Variants in MARF1 observed in about 807,000 individuals in gnomAD.
MARF1 encodes meiosis regulator and mRNA stability factor 1, also known as limkain-b1.
A neutral mutation model predicts 168.2 loss-of-function variants in MARF1; 24 were observed. The ratio of observed to expected loss-of-function variants is 0.14; its 90% CI spans 0.10 to 0.20. The LOEUF (loss-of-function observed/expected upper bound fraction) is 0.20, where lower values mean the gene tolerates loss of function less well. Ranked by LOEUF, MARF1 falls within the 10% of genes least tolerant of loss-of-function variation. The pLI is 1.00. For synonymous variants in MARF1, 868 were observed against 822.4 expected (o/e 1.06, Z -0.95); for missense variants, 1,744 against 2,143.6 (o/e 0.81, Z 3.68).
At chr16:15,614,438 C>T (rs1401040355) in intron 16 of MARF1, among the ~76,000 whole-genome samples, 4 of 126,102 alleles carry the variant, frequency 3.2e-5, no homozygotes, top group East Asian at 2.4e-4. Context: ...AGCTGAGATC[C>T]GGCCACTGCA....
At chr16:15,611,848 T>C in intron 17 of MARF1, 114 bp from the exon 18 acceptor site, 5 of 804,602 alleles carry the variant, frequency 6.2e-6, no homozygotes, top group Non-Finnish European at 9.7e-6. Context: ...TTATGTAGAA[T>C]GTGTGCAATT....
rs1206162752 is a variant in MARF1, at chr16:15,595,071, T to G, written c.*1622A>C. 6.6e-6 allele frequency: 1 copy of G among 152,622 alleles called. No homozygotes were observed. The highest frequency in any genetic ancestry group is 2.4e-5 in the African/African-American group (1 of 41,442). 9.5% of individuals were successfully genotyped at this position (152,622 alleles called of 1,614,324 possible). A position where few individuals can be genotyped will look rare whatever the true frequency, so the allele number is the denominator to read the frequency against. ...ATTATTACTTTGTTTAAAAGCTCCT[T>G]TAAAAAAAATTGCACATTTGCATTT... On this transcript the variant is annotated 3_prime_UTR_variant, in exon 27 of 27. Coordinates refer to ENST00000396368, the MANE Select transcript of MARF1 (RefSeq NM_014647.4).
rs2033991945 is a variant in MARF1, at chr16:15,615,715, C to G, written c.3253+115G>C. ...ATTTTCAAAAGATCAAAGGACACAT[C>G]CATGGTGTTTTCACACTTGGCAAAT... On this transcript the variant is annotated intron_variant, in intron 16 of 26. Coordinates refer to ENST00000396368, the MANE Select transcript of MARF1 (RefSeq NM_014647.4). 3 of 668,302 alleles carry G rather than the reference C, an allele frequency of 4.5e-6. No individual in the cohort carries two copies. In the East Asian group the frequency reaches 9.2e-5, roughly 20 times the overall value. 41.4% of individuals were successfully genotyped at this position (668,302 alleles called of 1,614,324 possible). A position where few individuals can be genotyped will look rare whatever the true frequency, so the allele number is the denominator to read the frequency against.
At position 15,639,240 on chromosome 16, in the gene MARF1, A is replaced by G. The variant is rs1294551265; in HGVS notation, c.-7T>C. The G allele has an allele frequency of 1.9e-6, 3 of 1,608,394 alleles. No homozygotes were observed. The highest frequency in any genetic ancestry group is 2.5e-6 in the Non-Finnish European group (3 of 1,177,938). ...TTCCGTTTCCTTCCATCATACAGCC[A>G]TGCAAAGTGATTCAACATCCTTTCA... On this transcript the variant is annotated 5_prime_UTR_variant, in exon 2 of 27. The change abolishes an upstream ATG in the 5' untranslated region. Coordinates refer to ENST00000396368, the MANE Select transcript of MARF1 (RefSeq NM_014647.4).
In MARF1 at chr16:15,633,617, C is replaced by A; in HGVS notation, c.1233G>T (p.Gln411His). 2 of 1,568,512 alleles carry A rather than the reference C, an allele frequency of 1.3e-6. No individual in the cohort carries two copies. Among genetic ancestry groups the A allele is most frequent in the Non-Finnish European group, 1.7e-6 (2 of 1,153,474 alleles). The change falls in exon 5 of 27, where the codon CAG becomes CAT. Residue 411 changes from glutamine (Q) to histidine (H), a missense_variant and splice_region_variant. Gln to His is a conservative substitution (Grantham distance 24). Around this residue, in one of 7 missense-constraint regions of MARF1, gnomAD observed 217 missense variants for 372.4 expected, o/e 0.58. Coordinates refer to ENST00000396368, the MANE Select transcript of MARF1 (RefSeq NM_014647.4). ...KEVIQELNNC[Q>H]VTVAHINATA... ...AAATTATTAAATTTTTTTTTTTTACCTGGCAATTATTCAGCTCTTGAATAA... is the reference window on the plus strand; with the variant it reads ...AAATTATTAAATTTTTTTTTTTTACATGGCAATTATTCAGCTCTTGAATAA...
intron 15 of MARF1, 74 bp from the exon 16 acceptor site, chr16:15,616,079 G>A (rs1486137918): frequency 8.0e-7 from 1 of 1,250,694 alleles, no homozygotes; most frequent in Non-Finnish European, 1.1e-6. Context: ...TTGCTAAACA[G>A]AAGGCTTTGG....
Position 15,600,533 on chromosome 16 carries a change from G to T in MARF1, c.4708C>A (p.Leu1570Ile). 1 of 1,614,198 alleles carries T rather than the reference G, an allele frequency of 6.2e-7. No individual in the cohort carries two copies. The highest frequency in any genetic ancestry group is 1.7e-5 in the Admixed American group (1 of 60,024). Residue 1570 changes from leucine (L) to isoleucine (I), a missense_variant, in exon 25 of 27, where the codon CTC (leucine) becomes ATC (isoleucine). By Grantham distance (5) the Leu-to-Ile change is conservative (BLOSUM62 2). This residue lies in a region of MARF1 where 313 missense variants were observed against 337.4 expected (regional missense o/e 0.93). Coordinates refer to ENST00000396368, the MANE Select transcript of MARF1 (RefSeq NM_014647.4). ...DMKSRLSSLS[L>I]SPANHENQPS... ...TGGTTTTCATGATTGGCAGGGGAGA[G>T]ACTGAGTGAACTCAAACGACCTACA...
intron 3 of MARF1, 44 bp from the exon 4 acceptor site, chr16:15,634,975 C>A: frequency 6.4e-7 from 1 of 1,561,538 alleles, no homozygotes; most frequent in Non-Finnish European, 8.8e-7. Context: ...TCAGATACAT[C>A]ATTTCAGAAG....
chr16:15,596,820 C>T lies in MARF1; in HGVS notation c.5102G>A (p.Cys1701Tyr). ...CISAAVPVPPCPSSETSESLL... is the reference protein window; with the variant it reads ...CISAAVPVPPYPSSETSESLL... ...TGACTCGGAGGTTTCCGAGGAGGGG[C>T]AGGGAGGCACGGGGACAGCTGCTGA... The change falls in exon 27 of 27, where the codon TGC (cysteine) becomes TAC (tyrosine). Residue 1701 changes from cysteine (C) to tyrosine (Y), a missense_variant. Cys to Tyr is a radical substitution (Grantham distance 194, BLOSUM62 -2). This residue lies in a region of MARF1 where 313 missense variants were observed against 337.4 expected (regional missense o/e 0.93). Coordinates refer to ENST00000396368, the MANE Select transcript of MARF1 (RefSeq NM_014647.4). 6.2e-7 allele frequency: 1 copy of T among 1,614,058 alleles called. No individual in the cohort carries two copies. The highest frequency in any genetic ancestry group is 8.5e-7 in the Non-Finnish European group (1 of 1,179,970).
rs770123921 is a variant in MARF1, at chr16:15,598,890, G to T, written c.4948C>A (p.Leu1650Ile). ...PDPVILQSAD[L>I]IQFEERPQEP... is the part of the protein sequence containing the mutation. ...TGAGGGCGCTCCTCAAACTGAATGA[G>T]ATCAGCAGATTGGAGGATAACGGGG... is the stretch of plus-strand genomic sequence containing the variant. Residue 1650 changes from leucine (L) to isoleucine (I), a missense_variant, in exon 26 of 27, where the codon CTC (leucine) becomes ATC (isoleucine). This residue lies in a region of MARF1 where 313 missense variants were observed against 337.4 expected (regional missense o/e 0.93). Transcript: ENST00000396368. The T allele has an allele frequency of 6.2e-7, 1 of 1,613,980 alleles. No homozygotes were observed. Among genetic ancestry groups the T allele is most frequent in the South Asian group, 1.1e-5 (1 of 91,096 alleles).
intron 16 of MARF1, 99 bp from the exon 17 acceptor site, chr16:15,612,876 G>A: frequency 1.0e-6 from 1 of 988,762 alleles, no homozygotes; most frequent in Non-Finnish European, 1.6e-6. Flanking sequence ...TTCGATCATG[G>A]GGAAGCAAAC....
intron 7 of MARF1, among the ~76,000 whole-genome samples, chr16:15,629,036 CT>C (rs35295986): frequency 0.017 from 2,412 of 138,434 alleles, 35 homozygotes; most frequent in African/African-American, 0.036. Flanking sequence ...ACTACATTTA[CT>C]TTTTTTTTTT....
chr16:15,611,183 G>A, intron 18 of MARF1, 75 bp from the exon 19 acceptor site: 1 of 1,463,508 alleles, frequency 6.8e-7, no homozygotes, highest in Non-Finnish European at 9.5e-7. Context: ...TTCCGGCCGG[G>A]CGCTGGGGCT....
rs78425942 is a variant in MARF1 at position 15,603,742 on chromosome 16, G to A, written c.4413+426C>T. On this transcript the variant is annotated intron_variant, in intron 22 of 26. Coordinates refer to ENST00000396368, the MANE Select transcript of MARF1 (RefSeq NM_014647.4). ...TTCTCTTAAGATTCTCTCAATCTTGGAGCGCCATTCTTGAAAGGCTGCCTG... is the reference window on the plus strand; with the variant it reads ...TTCTCTTAAGATTCTCTCAATCTTGAAGCGCCATTCTTGAAAGGCTGCCTG... Among the ~76,000 whole-genome samples, 522 of 146,160 alleles carry A rather than the reference G, an allele frequency of 3.6e-3. 1 individual carries two copies. The highest frequency in any genetic ancestry group is 6.1e-3 in the Non-Finnish European group (405 of 65,930).
chr16:15,600,295 T>G (rs1296348659), intron 25 of MARF1, 133 bp downstream of exon 25: 5 of 1,214,380 alleles, frequency 4.1e-6, no homozygotes, highest in South Asian at 2.8e-5. Context: ...AAAACTGCTT[T>G]GAAAAATGTG....
intron 7 of MARF1, among the ~76,000 whole-genome samples, chr16:15,628,090 C>T (rs190149390): frequency 6.6e-6 from 1 of 152,260 alleles, no homozygotes; most frequent in East Asian, 1.9e-4. Context: ...AACAGGTAGA[C>T]TGGTTAAATA....
At chr16:15,620,777 CATG>C (rs1452552999) in intron 12 of MARF1, among the ~76,000 whole-genome samples, 1 of 152,112 alleles carries the variant, frequency 6.6e-6, no homozygotes, top group African/African-American at 2.4e-5. Context: ...AGCAGAAAAG[CATG>C]ATGAATTCAG....
chr16:15,597,246 T>C (rs575423616), intron 26 of MARF1, among the ~76,000 whole-genome samples: 90 of 152,342 alleles, frequency 5.9e-4, no homozygotes, highest in African/African-American at 2.1e-3. Context: ...TGCCCATTCA[T>C]TCTGCCTGCC....
At chr16:15,598,451 A>G (rs991205144) in intron 26 of MARF1, among the ~76,000 whole-genome samples, 4 of 152,016 alleles carry the variant, frequency 2.6e-5, no homozygotes, top group African/African-American at 9.7e-5. Context: ...ACCTCCCTCC[A>G]TTCACCCCTT....
Sources: gnomAD v4.1 joint callset for allele counts (sites outside exome capture counted in the v4.1 genomes callset) on GRCh38, gnomAD v4.1.1 for gene constraint, gnomAD v4.1.1 regional missense constraint, MANE v1.5 for transcripts, NCBI Gene and HGNC (gene_info 2026-07-23, HGNC 2026-07-21) for gene names.